The following SPTBN1 variants were observed in gnomAD, a reference collection of about 807,000 sequenced individuals.
SPTBN1 encodes spectrin beta chain, non-erythrocytic 1.
In SPTBN1, 32 loss-of-function variants were observed where a neutral mutation model predicts 266.4. The observed-to-expected ratio is 0.12, with a 90% confidence interval of 0.09 to 0.16. The LOEUF (loss-of-function observed/expected upper bound fraction) is 0.16. SPTBN1 is among the 10% of genes least tolerant of loss of function. SPTBN1 has a pLI of 1.00. For missense variants in SPTBN1, 2,296 were observed against 3,067.1 expected (o/e 0.75, Z 5.94); for synonymous variants, 1,336 against 1,162.2 (o/e 1.15, Z -3.04).
At chr2:54,596,806 C>T (rs1391612110) in intron 2 of SPTBN1, among the ~76,000 whole-genome samples, 4 of 152,212 alleles carry the variant, frequency 2.6e-5, no homozygotes, top group Non-Finnish European at 5.9e-5. Context: ...TCTCTGCACC[C>T]ACCCATGACC....
chr2:54,621,288 T>A, intron 7 of SPTBN1, 112 bp from the exon 8 acceptor site: 2 of 656,252 alleles, frequency 3.0e-6, no homozygotes, highest in Non-Finnish European at 5.3e-6. Flanking sequence ...GGTACAAACA[T>A]GAAGACGCTG....
At chr2:54,551,634 G>T (rs1055399533) in intron 2 of SPTBN1, among the ~76,000 whole-genome samples, 1 of 152,172 alleles carries the variant, frequency 6.6e-6, no homozygotes, top group Admixed American at 6.5e-5. Flanking sequence ...GACCAGTTAG[G>T]CAAGAAACAG....
intron 1 of SPTBN1, among the ~76,000 whole-genome samples, chr2:54,489,862 A>T (rs1271510288): frequency 6.6e-6 from 1 of 152,180 alleles, no homozygotes; most frequent in Admixed American, 6.5e-5. Context: ...GATGTCCTTT[A>T]CTTTGATATA....
rs193223493 is a variant in SPTBN1, at chr2:54,618,257, A to C, written c.763+64A>C. 6.5e-6 allele frequency: 9 copies of C among 1,377,250 alleles called. No homozygotes were observed. In the African/African-American group the frequency reaches 1.2e-4, roughly 18 times the overall value. The allele number at this position is 1,377,250 out of a possible 1,614,324, so 85.3% of individuals were successfully genotyped here. ...CTGTACCATCCAGGTGTTAATGTAAAATCTGTTTTGTGTCAGTCTGTTTCA... is the reference window on the plus strand; with the variant it reads ...CTGTACCATCCAGGTGTTAATGTAACATCTGTTTTGTGTCAGTCTGTTTCA... On this transcript the variant is annotated intron_variant, in intron 7 of 35. Coordinates refer to ENST00000356805, the MANE Select transcript of SPTBN1 (RefSeq NM_003128.3).
chr2:54,580,348 C>G (rs1674807247), intron 2 of SPTBN1, among the ~76,000 whole-genome samples: 1 of 152,170 alleles, frequency 6.6e-6, no homozygotes, highest in African/African-American at 2.4e-5. Context: ...AAACTTTTAG[C>G]AAACCAGTAA....
At chr2:54,607,243 G>A (rs6740893) in intron 3 of SPTBN1, among the ~76,000 whole-genome samples, 40,860 of 152,094 alleles carry the variant, frequency 0.27, 6,202 homozygotes, top group African/African-American at 0.42. Context: ...GAAATAAACA[G>A]TGATACAATT....
chr2:54,531,175 T>C (rs1243284013), intron 2 of SPTBN1, among the ~76,000 whole-genome samples: 1 of 152,234 alleles, frequency 6.6e-6, no homozygotes, highest in Non-Finnish European at 1.5e-5. Context: ...AGCATATTAT[T>C]GAACCTGAGG....
chr2:54,553,562 C>G (rs188025869), intron 2 of SPTBN1, among the ~76,000 whole-genome samples: 4 of 152,314 alleles, frequency 2.6e-5, no homozygotes, highest in Admixed American at 2.6e-4. Context: ...TGCCAAGGGA[C>G]TTGACACCGA....
chr2:54,526,647 G>A (rs771843008), intron 2 of SPTBN1, 81 bp downstream of exon 2: 57 of 1,481,918 alleles, frequency 3.8e-5, no homozygotes, highest in Non-Finnish European at 4.5e-5. Flanking sequence ...CTGTTCCCAT[G>A]ACGCTGTCAT....
intron 1 of SPTBN1, among the ~76,000 whole-genome samples, chr2:54,525,846 C>G (rs944707380): frequency 6.6e-6 from 1 of 152,200 alleles, no homozygotes; most frequent in African/African-American, 2.4e-5. Context: ...TTCTCCCTGC[C>G]TCAGCCACCC....
intron 3 of SPTBN1, among the ~76,000 whole-genome samples, chr2:54,607,323 T>G (rs988873372): frequency 1.3e-5 from 2 of 152,216 alleles, no homozygotes; most frequent in Non-Finnish European, 2.9e-5. Context: ...AATATAGCCA[T>G]GATTTAAAAT....
Position 54,664,735 on chromosome 2 carries a change from T to G in SPTBN1, c.6659+44T>G. 6.3e-7 allele frequency: 1 copy of G among 1,593,234 alleles called. No homozygotes were observed. The highest frequency in any genetic ancestry group is 8.6e-7 in the Non-Finnish European group (1 of 1,163,642). On this transcript the variant is annotated intron_variant, in intron 33 of 35. Transcript: ENST00000356805. This position sits in a 1 kb window ranked among gnomAD's most constrained non-coding sequence, Gnocchi z 5.6. Reference sequence around the variant, plus strand: ...GCCACAGTAAGATGGGAAGTCAGCCTGTGAAGGGATAAGGCGGGCCACTCT... The same window carrying G: ...GCCACAGTAAGATGGGAAGTCAGCCGGTGAAGGGATAAGGCGGGCCACTCT...
At chr2:54,518,602 A>T (rs73934321) in intron 1 of SPTBN1, among the ~76,000 whole-genome samples, 3,733 of 152,276 alleles carry the variant, frequency 0.025, 164 homozygotes, top group African/African-American at 0.086. Context: ...AAGATAGCAT[A>T]CCAGCATCCA....
chr2:54,634,679 C>T (rs1678990639), intron 17 of SPTBN1, among the ~76,000 whole-genome samples: 1 of 152,172 alleles, frequency 6.6e-6, no homozygotes, highest in Non-Finnish European at 1.5e-5. Flanking sequence ...ACATCTAAAC[C>T]TTCAGATATA....
chr2:54,621,905 G>C (rs948131775), intron 8 of SPTBN1, among the ~76,000 whole-genome samples: 2 of 152,222 alleles, frequency 1.3e-5, no homozygotes, highest in Non-Finnish European at 2.9e-5. Context: ...CCTCAGACCA[G>C]ATGACATTGT....
Position 54,665,891 on chromosome 2 carries a change from T to C in SPTBN1, c.6660-24T>C, listed in dbSNP as rs372216208. 5 of 1,596,986 alleles carry C rather than the reference T, an allele frequency of 3.1e-6. No homozygotes were observed. In the African/African-American group the frequency reaches 5.4e-5, roughly 17 times the overall value. ...ATGTGGTAGAGCCTTTATCTCCCCCTGCCCTTTTTTTTAAACTGCACAGGT... is the reference window on the plus strand; with the variant it reads ...ATGTGGTAGAGCCTTTATCTCCCCCCGCCCTTTTTTTTAAACTGCACAGGT... On this transcript the variant is annotated intron_variant, in intron 33 of 35. Transcript: ENST00000356805.
At chr2:54,624,619 A>C (rs1678207672) in intron 10 of SPTBN1, among the ~76,000 whole-genome samples, 185 bp from the exon 11 acceptor site, 1 of 152,212 alleles carries the variant, frequency 6.6e-6, no homozygotes, top group Non-Finnish European at 1.5e-5. Flanking sequence ...TCCCATGAGG[A>C]TACACTGAGA....
chr2:54,533,797 C>T lies in SPTBN1; in HGVS notation c.148+7231C>T, dbSNP rs1043878218. 6.6e-6 allele frequency among the ~76,000 whole-genome samples: 1 copy of T among 152,144 alleles called. No homozygotes were observed. Among genetic ancestry groups the T allele is most frequent in the Non-Finnish European group, 1.5e-5 (1 of 68,026 alleles). ...AACTCCTGACCCCAGGTGATCCGCC[C>T]GCCTTGGCCTCCCAAAGTGCTGGGA... On this transcript the variant is annotated intron_variant, in intron 2 of 35. Transcript: ENST00000356805. The surrounding 1 kb of genome is among the most constrained non-coding windows in gnomAD (Gnocchi z 4.2).
rs1669655331 is a variant in SPTBN1, at chr2:54,507,821, G to GT, written c.-47-18550dup. ...AGTCCCCTTTTTTTTTTTTTTAGCA[G>GT]TAAGTCGAGACCTTTGTGATTTTGG... On this transcript the variant is annotated intron_variant, in intron 1 of 35. Coordinates refer to ENST00000356805, the MANE Select transcript of SPTBN1 (RefSeq NM_003128.3). Among the ~76,000 whole-genome samples the GT allele has an allele frequency of 2.1e-5, 3 of 141,516 alleles. No individual in the cohort carries two copies. In the South Asian group the frequency reaches 6.7e-4, roughly 31 times the overall value. 92.8% of individuals were successfully genotyped at this position (141,516 alleles called of 152,430 possible).
Sources: allele counts gnomAD v4.1 joint callset (sites outside exome capture counted in the v4.1 genomes callset), GRCh38; gene constraint gnomAD v4.1.1; non-coding constraint Gnocchi (gnomAD v3.1); transcripts MANE v1.5; gene names NCBI Gene and HGNC (gene_info 2026-07-23, HGNC 2026-07-21).